Variants in LRRTM4 observed in about 807,000 individuals in gnomAD.
LRRTM4 encodes the protein leucine rich repeat transmembrane neuronal 4.
Under a neutral mutation model 47.6 loss-of-function variants are expected in LRRTM4, and 25 were observed. That is an observed-to-expected ratio of 0.53 (90% CI 0.38 to 0.73). The LOEUF (loss-of-function observed/expected upper bound fraction) is 0.73, where lower values mean the gene tolerates loss of function less well. Ranked by LOEUF, LRRTM4 falls within the 30% of genes least tolerant of loss-of-function variation. The pLI is 0.00. For synonymous variants in LRRTM4, 311 were observed against 269.5 expected, an observed-to-expected ratio of 1.15 and a Z score of -1.51; for missense variants, 638 against 713.4, an observed-to-expected ratio of 0.89 and a Z score of 1.20.
chr2:76,774,479 C>G (rs533987859), intron 3 of LRRTM4, among the ~76,000 whole-genome samples: 69 of 151,840 alleles, frequency 4.5e-4, no homozygotes, highest in Non-Finnish European at 8.5e-4. Context: ...CATGAGCCAC[C>G]GTGCCCAGCC....
intron 3 of LRRTM4, among the ~76,000 whole-genome samples, chr2:77,273,464 G>T (rs1413825387): frequency 6.6e-6 from 1 of 152,076 alleles, no homozygotes; most frequent in African/African-American, 2.4e-5. Context: ...GCACAAGGAA[G>T]AGTATAAGCT....
At position 76,748,876 on chromosome 2, in the gene LRRTM4, T is replaced by G. The variant is rs1481543882; in HGVS notation, c.1592A>C (p.Asp531Ala). Residue 531 changes from aspartate to alanine, a missense_variant, in exon 4 of 4, where the codon GAC (aspartate) becomes GCC (alanine). Transcript: ENST00000409884. ...CTGGCAGTACCCGATCACAGGCTGG[T>G]CATAGCTGTAATATGGCAAGGGCTT... is the stretch of plus-strand genomic sequence containing the variant. ...HMKPLPYYSY[D>A]QPVIGYCQAH... 4.3e-6 allele frequency: 7 copies of G among 1,613,886 alleles called. No homozygotes were observed. In the East Asian group the frequency reaches 1.6e-4, roughly 36 times the overall value.
intron 3 of LRRTM4, among the ~76,000 whole-genome samples, chr2:76,895,197 T>C (rs1169559578): frequency 6.6e-6 from 1 of 152,020 alleles, no homozygotes; most frequent in African/African-American, 2.4e-5. Context: ...CTGTGTTAAT[T>C]TATAATTCTA....
chr2:76,786,683 T>TC (rs1470767089), intron 3 of LRRTM4, among the ~76,000 whole-genome samples: 1 of 152,102 alleles, frequency 6.6e-6, no homozygotes, highest in East Asian at 1.9e-4. Flanking sequence ...TTCCTCCACT[T>TC]CTTTGATTCC....
intron 3 of LRRTM4, among the ~76,000 whole-genome samples, chr2:77,236,116 G>T (rs1675097328): frequency 6.6e-6 from 1 of 152,046 alleles, no homozygotes; most frequent in Non-Finnish European, 1.5e-5. Flanking sequence ...GGGCAGTATG[G>T]TCATTGTAAT....
At chr2:76,914,227 T>C (rs564321033) in intron 3 of LRRTM4, among the ~76,000 whole-genome samples, 1 of 152,134 alleles carries the variant, frequency 6.6e-6, no homozygotes, top group East Asian at 1.9e-4. Context: ...TCAATAACTT[T>C]ATATTATTAA....
intron 3 of LRRTM4, among the ~76,000 whole-genome samples, chr2:77,137,979 T>A (rs1362260124): frequency 6.6e-6 from 1 of 152,038 alleles, no homozygotes; most frequent in African/African-American, 2.4e-5. Context: ...ATAAAGCAAG[T>A]CCTTAGAGAA....
chr2:76,974,235 TATATACATATATATATATAC>T (rs1348448179), intron 3 of LRRTM4, among the ~76,000 whole-genome samples: 1 of 141,292 alleles, frequency 7.1e-6, no homozygotes, highest in African/African-American at 2.7e-5. Context: ...TACATATATA[TATATACATATATATATATAC>T]ACACACATAC....
chr2:77,273,078 T>G (rs1161066139), intron 3 of LRRTM4, among the ~76,000 whole-genome samples: 3 of 152,188 alleles, frequency 2.0e-5, no homozygotes, highest in African/African-American at 7.2e-5. Context: ...TGGGACCACT[T>G]TAATCAACTT....
chr2:76,992,369 A>G (rs1677039374), intron 3 of LRRTM4, among the ~76,000 whole-genome samples: 1 of 151,794 alleles, frequency 6.6e-6, no homozygotes, highest in African/African-American at 2.4e-5. Context: ...ATATGATTCT[A>G]TACCTAGAAA....
chr2:77,218,904 CTCAAGGGGCTCAAAGT>C (rs1674538143), intron 3 of LRRTM4, among the ~76,000 whole-genome samples: 1 of 152,094 alleles, frequency 6.6e-6, no homozygotes, highest in South Asian at 2.1e-4. Context: ...GGTCTCAGCC[CTCAAGGGGCTCAAAGT>C]AAAATGAGGT....
chr2:76,818,734 T>G (rs1670970675), intron 3 of LRRTM4, among the ~76,000 whole-genome samples: 1 of 151,644 alleles, frequency 6.6e-6, no homozygotes, highest in Non-Finnish European at 1.5e-5. Flanking sequence ...TGCAGACACA[T>G]GCACACAAAC....
chr2:77,129,588 C>T (rs1001226280), intron 3 of LRRTM4, among the ~76,000 whole-genome samples: 2 of 152,148 alleles, frequency 1.3e-5, no homozygotes, highest in East Asian at 3.9e-4. Flanking sequence ...GTAAATGCAT[C>T]CCATTTTCTA....
At chr2:77,385,094 T>C (rs1673211992) in intron 3 of LRRTM4, among the ~76,000 whole-genome samples, 1 of 152,128 alleles carries the variant, frequency 6.6e-6, no homozygotes, top group South Asian at 2.1e-4. Flanking sequence ...AATAATAACA[T>C]TGTTATTGTA....
At chr2:77,047,267 CTCTT>C (rs1347355088) in intron 3 of LRRTM4, among the ~76,000 whole-genome samples, 2 of 151,028 alleles carry the variant, frequency 1.3e-5, no homozygotes, top group Admixed American at 6.6e-5. Flanking sequence ...ATTATTATTT[CTCTT>C]TTTTTCACAG....
intron 3 of LRRTM4, among the ~76,000 whole-genome samples, chr2:76,946,954 CTTTG>C (rs1675342075): frequency 6.6e-6 from 1 of 151,854 alleles, no homozygotes; most frequent in East Asian, 1.9e-4. Flanking sequence ...GGCCAAGTTC[CTTTG>C]TTTGAAAACA....
At chr2:76,799,978 C>G (rs1344605183) in intron 3 of LRRTM4, among the ~76,000 whole-genome samples, 1 of 151,648 alleles carries the variant, frequency 6.6e-6, no homozygotes, top group Non-Finnish European at 1.5e-5. Flanking sequence ...GAAGAACATT[C>G]CATGCTCGTG....
chr2:77,350,192 G>A (rs1671708900), intron 3 of LRRTM4, among the ~76,000 whole-genome samples: 1 of 150,350 alleles, frequency 6.7e-6, no homozygotes, highest in Non-Finnish European at 1.5e-5. Context: ...CGGGCGCGGT[G>A]GCGGGCGCCT....
At chr2:77,345,432 G>T (rs1218148160) in intron 3 of LRRTM4, among the ~76,000 whole-genome samples, 1 of 151,608 alleles carries the variant, frequency 6.6e-6, no homozygotes, top group African/African-American at 2.4e-5. Context: ...AATATATAAA[G>T]AATTCTAAAA....
Sources: allele counts gnomAD v4.1 joint callset (sites outside exome capture counted in the v4.1 genomes callset), GRCh38; gene constraint gnomAD v4.1.1; transcripts MANE v1.5; gene names NCBI Gene and HGNC (gene_info 2026-07-23, HGNC 2026-07-21).